Variants in DDX11 observed in about 807,000 individuals in gnomAD.
DDX11 encodes DEAD/H-box helicase 11.
DDX11 carries 72 observed loss-of-function variants against 125.2 expected under a neutral mutation model. That is an observed-to-expected ratio of 0.58 (90% CI 0.48 to 0.70). The LOEUF is 0.70. Among genes scored for constraint, DDX11 ranks in the 30% least tolerant of loss-of-function variants. The probability of loss-of-function intolerance (pLI) is 0.00; values close to 1 mark genes in which losing one functional copy is unlikely to be tolerated. For missense variants in DDX11, 883 were observed against 1,165.0 expected (o/e 0.76, Z 3.52); for synonymous variants, 347 against 452.6 (o/e 0.77, Z 2.96).
rs187739556 is a variant in DDX11, at chr12:31,091,584, C to A, written c.1090-135C>A. 65 of 924,496 alleles carry A rather than the reference C, an allele frequency of 7.0e-5. No individual in the cohort carries two copies. In the Middle Eastern group the frequency reaches 9.8e-4, roughly 14 times the overall value. 57.3% of individuals were successfully genotyped at this position (924,496 alleles called of 1,614,324 possible). On this transcript the variant is annotated intron_variant, in intron 9 of 26. Coordinates refer to ENST00000542838, the MANE Select transcript of DDX11 (RefSeq NM_030653.4). ...CTCGAGGAGAGCTTGTCCGTTGCCACAAGCTGTTTTTCGAATGTCTCTACA... is the reference window on the plus strand; with the variant it reads ...CTCGAGGAGAGCTTGTCCGTTGCCAAAAGCTGTTTTTCGAATGTCTCTACA...
intron 1 of DDX11, among the ~76,000 whole-genome samples, chr12:31,075,607 C>T (rs944135241): frequency 6.6e-6 from 1 of 152,118 alleles, no homozygotes; most frequent in Non-Finnish European, 1.5e-5. Context: ...GGCCATTTAA[C>T]TAATAGGTAT....
rs191687936 is a variant in DDX11 at position 31,102,811 on chromosome 12, G to A, written c.2373-125G>A. 199 of 839,404 alleles carry A rather than the reference G, an allele frequency of 2.4e-4. 1 individual carries two copies. In the African/African-American group the frequency reaches 3.0e-3, roughly 13 times the overall value. The allele number at this position is 839,404 out of a possible 1,614,324, so 52.0% of individuals were successfully genotyped here. A position where few individuals can be genotyped will look rare whatever the true frequency, so the allele number is the denominator to read the frequency against. ...CCAGGTGGTAGGTACAGAGTGGAGA[G>A]AGGCTGAGTTTTGATCACAGTCGGA... On this transcript the variant is annotated intron_variant, in intron 23 of 26. Transcript: ENST00000542838.
At chr12:31,084,203 C>G in intron 3 of DDX11, 142 bp downstream of exon 3, 1 of 1,167,122 alleles carries the variant, frequency 8.6e-7, no homozygotes, top group Admixed American at 1.9e-5. Flanking sequence ...CTCCTTGGGT[C>G]TATGGTGCTG....
intron 25 of DDX11, 47 bp from the exon 26 acceptor site, chr12:31,103,530 G>A (rs12578532): frequency 1.3e-4 from 212 of 1,613,526 alleles, no homozygotes; most frequent in East Asian, 3.6e-4. Flanking sequence ...TGTGCTGTAG[G>A]GGGGAGGCAG....
At chr12:31,088,419 G>A (rs1367113225) in intron 6 of DDX11, among the ~76,000 whole-genome samples, 8 of 152,120 alleles carry the variant, frequency 5.3e-5, no homozygotes, top group Admixed American at 3.3e-4. Flanking sequence ...GTACGGGTAG[G>A]ACAGACATGA....
At chr12:31,082,626 C>A (rs1057347815) in intron 2 of DDX11, among the ~76,000 whole-genome samples, 1 of 152,020 alleles carries the variant, frequency 6.6e-6, no homozygotes, top group Non-Finnish European at 1.5e-5. Flanking sequence ...CCTCCAGAGA[C>A]TCCCCTGAGC....
Position 31,103,805 on chromosome 12 carries a change from A to G in DDX11, c.2692-2A>G, listed in dbSNP as rs1946833655. ...ATTTCTCACTGCCTTCTGTCTGCCCAGTTTCACCGGGAGAAGTCGGCCTCT... is the reference window on the plus strand; with the variant it reads ...ATTTCTCACTGCCTTCTGTCTGCCCGGTTTCACCGGGAGAAGTCGGCCTCT... On this transcript the variant is annotated splice_acceptor_variant, in intron 26 of 26. Coordinates refer to ENST00000542838, the MANE Select transcript of DDX11 (RefSeq NM_030653.4). LOFTEE classifies it high-confidence loss of function. The G allele has an allele frequency of 2.5e-6, 4 of 1,613,148 alleles. No individual in the cohort carries two copies. The South Asian group carries it at 4.4e-5, about 18-fold the overall frequency.
At chr12:31,099,404 C>G (rs4012588) in intron 18 of DDX11, among the ~76,000 whole-genome samples, 1 of 125,772 alleles carries the variant, frequency 8.0e-6, no homozygotes, top group African/African-American at 3.3e-5. Context: ...AAGTAAAAAT[C>G]AAAGGATTTG....
chr12:31,074,679 C>T (rs1311188047), intron 1 of DDX11, among the ~76,000 whole-genome samples: 1 of 152,346 alleles, frequency 6.6e-6, no homozygotes, highest in South Asian at 2.1e-4. Flanking sequence ...TGGGCCAGGC[C>T]ATCCTCCAGC....
chr12:31,099,824 C>A (rs1350068158), intron 18 of DDX11, among the ~76,000 whole-genome samples: 2 of 151,870 alleles, frequency 1.3e-5, no homozygotes, highest in Admixed American at 6.6e-5. Context: ...GCCTCACTCT[C>A]ATCCCTTTCC....
At chr12:31,100,972 T>G (rs1376742516) in intron 19 of DDX11, 55 bp from the exon 20 acceptor site, 6 of 1,481,026 alleles carry the variant, frequency 4.1e-6, no homozygotes, top group Non-Finnish European at 5.7e-6. Context: ...CTCTCTGCAG[T>G]GTCTTGCAGC....
intron 3 of DDX11, 122 bp downstream of exon 3, chr12:31,084,183 C>T: frequency 1.5e-6 from 2 of 1,327,778 alleles, no homozygotes; most frequent in Non-Finnish European, 2.2e-6. Flanking sequence ...CCTCTCAGCT[C>T]TTCCCTCAGC....
intron 18 of DDX11, 128 bp downstream of exon 18, chr12:31,098,125 C>T: frequency 1.6e-6 from 1 of 617,378 alleles, no homozygotes; most frequent in South Asian, 1.7e-5. Flanking sequence ...CGAGCAGGCC[C>T]AGTGGTGTCC....
Position 31,089,412 on chromosome 12 carries a change from G to A in DDX11, c.802G>A (p.Val268Ile). Residue 268 changes from valine (V) to isoleucine (I), a missense_variant, in exon 8 of 27, where the codon GTA (valine) becomes ATA (isoleucine). Transcript: ENST00000542838. Reference sequence around the variant, plus strand: ...TTCTCCTTTGCTGCAGAACCTTTGTGTAAATGAAGACGTGAAAAGCCTAGG... The same window carrying A: ...TTCTCCTTTGCTGCAGAACCTTTGTATAAATGAAGACGTGAAAAGCCTAGG... ...VSLGSRQNLC[V>I]NEDVKSLGSV... The A allele has an allele frequency of 6.2e-7, 1 of 1,613,986 alleles. No homozygotes were observed. Among genetic ancestry groups the A allele is most frequent in the Non-Finnish European group, 8.5e-7 (1 of 1,179,864 alleles).
chr12:31,094,516 G>C lies in DDX11; in HGVS notation c.1370-74G>C, dbSNP rs953202423. 2.7e-6 allele frequency: 4 copies of C among 1,490,710 alleles called. No individual in the cohort carries two copies. The Admixed American group carries it at 5.9e-5, about 22-fold the overall frequency. 92.3% of individuals were successfully genotyped at this position (1,490,710 alleles called of 1,614,324 possible). A position where few individuals can be genotyped will look rare whatever the true frequency, so the allele number is the denominator to read the frequency against. ...CTCTTCTTACTTGATGTGCAGTGTGGAGGGAGAGAAGATAGGGAAGGGTTG... is the reference window on the plus strand; with the variant it reads ...CTCTTCTTACTTGATGTGCAGTGTGCAGGGAGAGAAGATAGGGAAGGGTTG... On this transcript the variant is annotated intron_variant, in intron 12 of 26. Coordinates refer to ENST00000542838, the MANE Select transcript of DDX11 (RefSeq NM_030653.4).
chr12:31,102,473 CTG>C lies in DDX11; in HGVS notation c.2321_2322del (p.Val774GlyfsTer7), dbSNP rs1407007388. ...CAGGTGACAGGGGCCCTGCTCCTCT[CTG>C]TGGTTGGAGGAAAGATGAGTGAAGG... On this transcript the variant is annotated frameshift_variant, in exon 23 of 27. Coordinates refer to ENST00000542838, the MANE Select transcript of DDX11 (RefSeq NM_030653.4). LOFTEE classifies it high-confidence loss of function. 6.2e-7 allele frequency: 1 copy of C among 1,614,040 alleles called. No individual in the cohort carries two copies. The highest frequency in any genetic ancestry group is 8.5e-7 in the Non-Finnish European group (1 of 1,179,920).
intron 22 of DDX11, 41 bp downstream of exon 22, chr12:31,102,352 G>A: frequency 2.5e-6 from 4 of 1,609,754 alleles, no homozygotes; most frequent in Non-Finnish European, 3.4e-6. Flanking sequence ...GATCGTGTGG[G>A]GGTGGCAGCT....
At position 31,083,918 on chromosome 12, in the gene DDX11, T is replaced by C. The variant is rs1197794512; in HGVS notation, c.250T>C (p.Leu84=). The C allele has an allele frequency of 6.2e-7, 1 of 1,613,938 alleles. No homozygotes were observed. The highest frequency in any genetic ancestry group is 2.2e-5 in the East Asian group (1 of 44,888). ...ARLLETGTGP[L]HDEKDESLCL... ...ACTCCTTGAAACTGGAACTGGCCCCTTACATGATGAGAAAGATGAATCCCT... is the reference window on the plus strand; with the variant it reads ...ACTCCTTGAAACTGGAACTGGCCCCCTACATGATGAGAAAGATGAATCCCT... Residue 84 remains leucine (L), a synonymous_variant, in exon 3 of 27, where the codon TTA becomes CTA. Coordinates refer to ENST00000542838, the MANE Select transcript of DDX11 (RefSeq NM_030653.4).
intron 5 of DDX11, among the ~76,000 whole-genome samples, chr12:31,085,360 G>A (rs1486784034): frequency 5.9e-5 from 9 of 152,236 alleles, no homozygotes; most frequent in Non-Finnish European, 1.2e-4. Context: ...GGCAGGGCAG[G>A]AACATTTGTG....
Sources: gnomAD v4.1 joint callset for allele counts (sites outside exome capture counted in the v4.1 genomes callset) on GRCh38, gnomAD v4.1.1 for gene constraint, MANE v1.5 for transcripts, NCBI Gene and HGNC (gene_info 2026-07-23, HGNC 2026-07-21) for gene names.